ZDHHC5: variants seen among roughly 807,000 people sequenced by gnomAD.
ZDHHC5 encodes palmitoyltransferase ZDHHC5.
In ZDHHC5, 22 loss-of-function variants were observed where a neutral mutation model predicts 70.0. The ratio of observed to expected loss-of-function variants is 0.31; its 90% CI spans 0.22 to 0.45. ZDHHC5 has a LOEUF of 0.45. Ranked by LOEUF, ZDHHC5 falls within the 20% of genes least tolerant of loss-of-function variation. The probability of loss-of-function intolerance (pLI) is 1.00; values close to 1 mark genes in which losing one functional copy is unlikely to be tolerated. For missense variants in ZDHHC5, 746 were observed against 926.9 expected (o/e 0.80, Z 2.53); for synonymous variants, 313 against 347.8 (o/e 0.90, Z 1.11).
Position 57,676,909 on chromosome 11 carries a change from A to ATTTTTT in ZDHHC5, c.104+3740_104+3745dup, listed in dbSNP as rs72474322. ...CAGGATAAGATCTCTGCTTCACGTGATTTTTTTTTTTTTTTTTTTTTTTTT... is the reference window on the plus strand; with the variant it reads ...CAGGATAAGATCTCTGCTTCACGTGATTTTTTTTTTTTTTTTTTTTTTTTTTTTTTT... On this transcript the variant is annotated intron_variant, in intron 2 of 11. Transcript: ENST00000287169. 8.2e-4 allele frequency among the ~76,000 whole-genome samples: 66 copies of ATTTTTT among 80,976 alleles called. 5 individuals carry two copies. The highest frequency in any genetic ancestry group is 2.9e-3 in the African/African-American group (56 of 19,096). 53.1% of individuals were successfully genotyped at this position (80,976 alleles called of 152,430 possible).
chr11:57,695,810 A>T (rs77292615), intron 8 of ZDHHC5, 110 bp from the exon 9 acceptor site: 1 of 1,420,688 alleles, frequency 7.0e-7, no homozygotes, highest in Non-Finnish European at 9.3e-7. Flanking sequence ...AAAAAAAAAA[A>T]ATACATGAGA....
In ZDHHC5 at chr11:57,696,748, T is replaced by C; in HGVS notation, c.1010-13T>C. 2 of 1,608,984 alleles carry C rather than the reference T, an allele frequency of 1.2e-6. No individual in the cohort carries two copies. Among genetic ancestry groups the C allele is most frequent in the African/African-American group, 1.3e-5 (1 of 74,896 alleles). ...CTTGTAAAATAGTGCCCCCTTGGCC[T>C]TTTTTCTTGCAGATAGTAGCTTATT... On this transcript the variant is annotated splice_polypyrimidine_tract_variant and intron_variant, in intron 9 of 11. Coordinates refer to ENST00000287169, the MANE Select transcript of ZDHHC5 (RefSeq NM_015457.3).
At chr11:57,680,479 A>C (rs949101617) in intron 2 of ZDHHC5, among the ~76,000 whole-genome samples, 4 of 152,238 alleles carry the variant, frequency 2.6e-5, no homozygotes, top group Non-Finnish European at 5.9e-5. Flanking sequence ...TCAGAGATGG[A>C]AACTAAGGTG....
At chr11:57,691,081 T>A in intron 6 of ZDHHC5, among the ~76,000 whole-genome samples, 1 of 152,190 alleles carries the variant, frequency 6.6e-6, no homozygotes, top group East Asian at 1.9e-4. Context: ...TTTTATTTTT[T>A]ATTTTTTTGA....
chr11:57,679,816 A>G (rs942269123), intron 2 of ZDHHC5, among the ~76,000 whole-genome samples: 1 of 152,032 alleles, frequency 6.6e-6, no homozygotes, highest in African/African-American at 2.4e-5. Context: ...CTGCTCACAC[A>G]TGCCTCTCCT....
At position 57,677,614 on chromosome 11, in the gene ZDHHC5, A is replaced by ATG. The variant is rs1343108887; in HGVS notation, c.104+4420_104+4421insTG. Among the ~76,000 whole-genome samples, 5 of 152,210 alleles carry ATG rather than the reference A, an allele frequency of 3.3e-5. No individual in the cohort carries two copies. The East Asian group carries it at 9.7e-4, about 29-fold the overall frequency. On this transcript the variant is annotated intron_variant, in intron 2 of 11. Transcript: ENST00000287169. ...TTCACGTGATCTAAGGGAAGGATAA[A>ATG]GTCAGAGTTGTATGGAAATCCATGA... is the stretch of plus-strand genomic sequence containing the variant.
intron 4 of ZDHHC5, among the ~76,000 whole-genome samples, chr11:57,688,904 A>C (rs1268673674): frequency 6.6e-6 from 1 of 152,000 alleles, no homozygotes; most frequent in Admixed American, 6.6e-5. Context: ...ATTTATTTTT[A>C]CTTTTTGTAG....
intron 1 of ZDHHC5, 91 bp downstream of exon 1, chr11:57,668,278 A>C (rs1945950703): frequency 3.1e-6 from 1 of 320,290 alleles, no homozygotes; most frequent in African/African-American, 2.2e-5. Flanking sequence ...AGGGGGACCG[A>C]AGACGGGGAG....
At chr11:57,685,194 T>C (rs1457740597) in intron 3 of ZDHHC5, among the ~76,000 whole-genome samples, 1 of 152,188 alleles carries the variant, frequency 6.6e-6, no homozygotes, top group Non-Finnish European at 1.5e-5. Flanking sequence ...GCCTACATCA[T>C]TGTGCTTTGT....
At chr11:57,690,903 C>T (rs958705388) in intron 6 of ZDHHC5, among the ~76,000 whole-genome samples, 11 of 151,936 alleles carry the variant, frequency 7.2e-5, no homozygotes, top group South Asian at 2.1e-4. Context: ...ATGTAAGTGA[C>T]GAGTTAATGG....
rs765484436 is a variant in ZDHHC5 at position 57,699,398 on chromosome 11, G to C, written c.1962G>C (p.Leu654Phe). 5.1e-6 allele frequency: 8 copies of C among 1,581,020 alleles called. No individual in the cohort carries two copies. The Admixed American group carries it at 1.1e-4, about 21-fold the overall frequency. Residue 654 changes from leucine (L) to phenylalanine (F), a missense_variant, in exon 11 of 12, where the codon TTG becomes TTC. Around this residue, in one of 6 missense-constraint regions of ZDHHC5, gnomAD observed 340 missense variants for 350.1 expected, o/e 0.97. Transcript: ENST00000287169. ...PGVSETEEVA[L>F]QPLLTPKDEV... is the part of the protein sequence containing the mutation. The stretch of plus-strand genomic sequence containing the variant: ...TCTCTGAGACAGAAGAAGTGGCCTT[G>C]CAGCCATTACTGACACCCAAGTAAG...
Position 57,668,149 on chromosome 11 carries a change from T to C in ZDHHC5, c.-1109T>C, listed in dbSNP as rs1945947952. ...GGACGGCACTGCCGGGAGGCGGCGG[T>C]GACAACGACGGCGGTGGTGACGGGC... is the stretch of plus-strand genomic sequence containing the variant. On this transcript the variant is annotated 5_prime_UTR_variant, in exon 1 of 12. Coordinates refer to ENST00000287169, the MANE Select transcript of ZDHHC5 (RefSeq NM_015457.3). 2.7e-6 allele frequency: 1 copy of C among 368,368 alleles called. No homozygotes were observed. The highest frequency in any genetic ancestry group is 4.0e-5 in the East Asian group (1 of 25,204). 22.8% of individuals were successfully genotyped at this position (368,368 alleles called of 1,614,324 possible).
chr11:57,682,322 T>C, intron 2 of ZDHHC5, 100 bp from the exon 3 acceptor site: 1 of 1,435,820 alleles, frequency 7.0e-7, no homozygotes, highest in Non-Finnish European at 9.2e-7. Context: ...ACACAAGATT[T>C]ATCTATAGGT....
chr11:57,700,429 A>ATG lies in ZDHHC5; in HGVS notation c.*399_*400insGT, dbSNP rs1247653126. ...GTGTACATATAATATATATATATAT[A>ATG]TATTATAAATATCAAAGAAATTATA... On this transcript the variant is annotated 3_prime_UTR_variant, in exon 12 of 12. Coordinates refer to ENST00000287169, the MANE Select transcript of ZDHHC5 (RefSeq NM_015457.3). 6.7e-6 allele frequency: 1 copy of ATG among 148,520 alleles called. No individual in the cohort carries two copies. Among genetic ancestry groups the ATG allele is most frequent in the East Asian group, 1.9e-4 (1 of 5,136 alleles). 9.2% of individuals were successfully genotyped at this position (148,520 alleles called of 1,614,324 possible). A position where few individuals can be genotyped will look rare whatever the true frequency, so the allele number is the denominator to read the frequency against.
In ZDHHC5 at chr11:57,700,051, CCCAACGCCTCTGCGCCTA is replaced by C; in HGVS notation, c.*22_*39del. ...GTGTGAGCCTTCGGCACCTCCCCTC[CCCAACGCCTCTGCGCCTA>C]CACCAAAGGGCCCCAGGTGGCCACC... On this transcript the variant is annotated 3_prime_UTR_variant, in exon 12 of 12. Transcript: ENST00000287169. 2 of 1,550,128 alleles carry C rather than the reference CCCAACGCCTCTGCGCCTA, an allele frequency of 1.3e-6. No individual in the cohort carries two copies. The highest frequency in any genetic ancestry group is 1.7e-6 in the Non-Finnish European group (2 of 1,149,922).
chr11:57,685,703 GA>G (rs1455045261), intron 3 of ZDHHC5, among the ~76,000 whole-genome samples: 1 of 152,132 alleles, frequency 6.6e-6, no homozygotes, highest in Admixed American at 6.6e-5. Flanking sequence ...GCTCAGACTA[GA>G]AAGGAAGATA....
Position 57,698,146 on chromosome 11 carries a change from C to CACACACACAA in ZDHHC5, c.1123-410_1123-409insCACACAAACA, listed in dbSNP as rs1187461606. Among the ~76,000 whole-genome samples, 31 of 151,586 alleles carry CACACACACAA rather than the reference C, an allele frequency of 2.0e-4. 2 individuals carry two copies. The South Asian group carries it at 6.1e-3, about 30-fold the overall frequency. On this transcript the variant is annotated intron_variant, in intron 10 of 11. Coordinates refer to ENST00000287169, the MANE Select transcript of ZDHHC5 (RefSeq NM_015457.3). ...ACACACACACACACACACACACACA[C>CACACACACAA]ACAAACAAATGCCAACTGTTACGGG... is the stretch of plus-strand genomic sequence containing the variant.
chr11:57,694,044 A>C (rs944894058), intron 8 of ZDHHC5, 129 bp downstream of exon 8: 1 of 1,270,156 alleles, frequency 7.9e-7, no homozygotes, highest in African/African-American at 1.6e-5. Context: ...TCTGTTGCCC[A>C]GGCTGGAGTG....
At chr11:57,678,031 T>C (rs910580519) in intron 2 of ZDHHC5, among the ~76,000 whole-genome samples, 3 of 152,226 alleles carry the variant, frequency 2.0e-5, no homozygotes, top group African/African-American at 7.2e-5. Flanking sequence ...TAAATGAGGA[T>C]CCCCATGGGC....
Sources: gnomAD v4.1 joint callset for allele counts (sites outside exome capture counted in the v4.1 genomes callset) on GRCh38, gnomAD v4.1.1 for gene constraint, gnomAD v4.1.1 regional missense constraint, MANE v1.5 for transcripts, NCBI Gene and HGNC (gene_info 2026-07-23, HGNC 2026-07-21) for gene names.